PACSIN1: variants seen among roughly 807,000 people sequenced by gnomAD.
The protein encoded by PACSIN1 is protein kinase C and casein kinase substrate in neurons protein 1.
PACSIN1 carries 15 observed loss-of-function variants against 59.5 expected under a neutral mutation model. The ratio of observed to expected loss-of-function variants is 0.25; its 90% CI spans 0.17 to 0.39. The LOEUF (loss-of-function observed/expected upper bound fraction) is 0.39. Ranked by LOEUF, PACSIN1 falls within the 10% of genes least tolerant of loss-of-function variation. PACSIN1 has a pLI of 1.00. For missense variants in PACSIN1, 420 were observed against 580.2 expected, an observed-to-expected ratio of 0.72 and a Z score of 2.84; for synonymous variants, 210 against 220.6, an observed-to-expected ratio of 0.95 and a Z score of 0.42.
At chr6:34,472,396 G>A (rs1403683803) in intron 1 of PACSIN1, among the ~76,000 whole-genome samples, 1 of 148,748 alleles carries the variant, frequency 6.7e-6, no homozygotes, top group African/African-American at 2.5e-5. Context: ...ATACCTGATT[G>A]TGATTAGAGC....
rs1169757231 is a variant in PACSIN1 at position 34,532,121 on chromosome 6, G to A, written c.1226-300G>A. On this transcript the variant is annotated intron_variant, in intron 9 of 9. Transcript: ENST00000244458. The surrounding 1 kb of genome is among the most constrained non-coding windows in gnomAD (Gnocchi z 5.2). Reference sequence around the variant, plus strand: ...AGGATGGGAGTGGGGGCAAGATTTAGATTGGTTGGTGCCAGGGGCGGAGTC... The same window carrying A: ...AGGATGGGAGTGGGGGCAAGATTTAAATTGGTTGGTGCCAGGGGCGGAGTC... 1.3e-5 allele frequency among the ~76,000 whole-genome samples: 2 copies of A among 152,128 alleles called. No homozygotes were observed. The highest frequency in any genetic ancestry group is 3.9e-4 in the East Asian group (2 of 5,192).
At position 34,521,419 on chromosome 6, in the gene PACSIN1, G is replaced by A. The variant is rs1767390649; in HGVS notation, c.-63-4824G>A. The stretch of plus-strand genomic sequence containing the variant: ...CCCTTCCTCAAGCCAGGAGTAGATG[G>A]AACACAGCTGAGGGCCCTGCCCTCC... On this transcript the variant is annotated intron_variant, in intron 1 of 9. Coordinates refer to ENST00000244458, the MANE Select transcript of PACSIN1 (RefSeq NM_020804.5). This position sits in a 1 kb window ranked among gnomAD's most constrained non-coding sequence, Gnocchi z 4.3. Among the ~76,000 whole-genome samples the A allele has an allele frequency of 2.0e-5, 3 of 152,304 alleles. No homozygotes were observed. The South Asian group carries it at 6.2e-4, about 32-fold the overall frequency.
At chr6:34,481,115 G>A (rs1425257868) in intron 1 of PACSIN1, among the ~76,000 whole-genome samples, 1 of 151,502 alleles carries the variant, frequency 6.6e-6, no homozygotes, top group East Asian at 1.9e-4. Flanking sequence ...GTGTGATCAC[G>A]GCTCACTGCA....
At chr6:34,501,041 A>G (rs775102295) in intron 1 of PACSIN1, among the ~76,000 whole-genome samples, 6 of 152,244 alleles carry the variant, frequency 3.9e-5, no homozygotes, top group Non-Finnish European at 8.8e-5. Context: ...AGCTGTTTTC[A>G]TCTTCTATTT....
intron 1 of PACSIN1, among the ~76,000 whole-genome samples, chr6:34,501,486 C>T (rs76499914): frequency 0.1 from 15,243 of 152,166 alleles, 851 homozygotes; most frequent in Non-Finnish European, 0.12. Flanking sequence ...AAGCCAGGAC[C>T]CGGGCTTGTT....
chr6:34,494,807 C>T (rs1766924878), intron 1 of PACSIN1, among the ~76,000 whole-genome samples: 1 of 152,138 alleles, frequency 6.6e-6, no homozygotes. Context: ...CTTTGAGTAT[C>T]GAGGCATTAG....
intron 1 of PACSIN1, among the ~76,000 whole-genome samples, chr6:34,469,627 C>G (rs577439820): frequency 8.4e-4 from 128 of 152,322 alleles, no homozygotes; most frequent in African/African-American, 2.9e-3. Flanking sequence ...GAGTCAGGCC[C>G]TAGACCCCAG....
At chr6:34,511,760 AG>A (rs1359125580) in intron 1 of PACSIN1, among the ~76,000 whole-genome samples, 1 of 152,204 alleles carries the variant, frequency 6.6e-6, no homozygotes, top group African/African-American at 2.4e-5. Flanking sequence ...TATGCAGATG[AG>A]ATGCAAAGCA....
At chr6:34,476,785 G>A (rs572874829) in intron 1 of PACSIN1, among the ~76,000 whole-genome samples, 1 of 152,314 alleles carries the variant, frequency 6.6e-6, no homozygotes, top group Admixed American at 6.5e-5. Flanking sequence ...GGACAGGGCC[G>A]GGGGCGGGTG....
At position 34,525,300 on chromosome 6, in the gene PACSIN1, T is replaced by C. The variant is rs1384698346; in HGVS notation, c.-63-943T>C. Among the ~76,000 whole-genome samples, 1 of 152,202 alleles carries C rather than the reference T, an allele frequency of 6.6e-6. No individual in the cohort carries two copies. Among genetic ancestry groups the C allele is most frequent in the Non-Finnish European group, 1.5e-5 (1 of 68,030 alleles). ...ATTACTGGGAAAGAGCCCCAGGCCC[T>C]GGACAGATGGGGAGCCCTAGGGGGA... On this transcript the variant is annotated intron_variant, in intron 1 of 9. Transcript: ENST00000244458. This position sits in a 1 kb window ranked among gnomAD's most constrained non-coding sequence, Gnocchi z 4.9.
At chr6:34,484,535 T>C (rs1414681046) in intron 1 of PACSIN1, among the ~76,000 whole-genome samples, 1 of 152,154 alleles carries the variant, frequency 6.6e-6, no homozygotes, top group Non-Finnish European at 1.5e-5. Flanking sequence ...TAGATACATG[T>C]CATCAACATG....
intron 1 of PACSIN1, among the ~76,000 whole-genome samples, chr6:34,504,307 TTTA>T (rs1407083558): frequency 1.8e-4 from 20 of 112,632 alleles, no homozygotes; most frequent in African/African-American, 6.2e-4. Context: ...TTTTTTTTTT[TTTA>T]AACGGAGTTT....
At chr6:34,523,177 C>T (rs1031346617) in intron 1 of PACSIN1, among the ~76,000 whole-genome samples, 4 of 152,234 alleles carry the variant, frequency 2.6e-5, no homozygotes, top group African/African-American at 9.6e-5. Flanking sequence ...CAGTAGTTCC[C>T]ACATCACCTG....
At chr6:34,480,435 A>G (rs749494577) in intron 1 of PACSIN1, among the ~76,000 whole-genome samples, 20 of 151,478 alleles carry the variant, frequency 1.3e-4, no homozygotes, top group Non-Finnish European at 2.4e-4. Flanking sequence ...TATTTTGCCC[A>G]GGCTGGTCTT....
intron 1 of PACSIN1, among the ~76,000 whole-genome samples, chr6:34,485,545 G>A (rs1339824642): frequency 6.6e-6 from 1 of 152,206 alleles, no homozygotes; most frequent in Non-Finnish European, 1.5e-5. Context: ...GCAAAGGCCA[G>A]CGTTGGAGCA....
chr6:34,524,771 T>C (rs1053166274), intron 1 of PACSIN1, among the ~76,000 whole-genome samples: 1 of 152,224 alleles, frequency 6.6e-6, no homozygotes, highest in South Asian at 2.1e-4. Flanking sequence ...GTGTACCCCA[T>C]AATTGTATCA....
At chr6:34,481,699 C>T (rs1179542958) in intron 1 of PACSIN1, among the ~76,000 whole-genome samples, 2 of 151,926 alleles carry the variant, frequency 1.3e-5, no homozygotes, top group African/African-American at 4.8e-5. Context: ...AGAAAATACC[C>T]TTGCTTTCTG....
Position 34,530,181 on chromosome 6 carries a change from A to G in PACSIN1, c.789-62A>G. 1 of 1,544,628 alleles carries G rather than the reference A, an allele frequency of 6.5e-7. No homozygotes were observed. The highest frequency in any genetic ancestry group is 8.8e-7 in the Non-Finnish European group (1 of 1,140,800). On this transcript the variant is annotated intron_variant, in intron 6 of 9. Coordinates refer to ENST00000244458, the MANE Select transcript of PACSIN1 (RefSeq NM_020804.5). This position sits in a 1 kb window ranked among gnomAD's most constrained non-coding sequence, Gnocchi z 4.4. ...CCTGAGTGGACTCTGGCCTCTCACCAAGGTTGAGGAGGGGCCATGTTGAAT... is the reference window on the plus strand; with the variant it reads ...CCTGAGTGGACTCTGGCCTCTCACCGAGGTTGAGGAGGGGCCATGTTGAAT...
intron 1 of PACSIN1, among the ~76,000 whole-genome samples, chr6:34,505,354 T>G (rs1767092501): frequency 6.6e-6 from 1 of 152,162 alleles, no homozygotes; most frequent in Non-Finnish European, 1.5e-5. Flanking sequence ...TTCACTTAAC[T>G]TCTTAAATCC....
Sources: allele counts gnomAD v4.1 joint callset (sites outside exome capture counted in the v4.1 genomes callset), GRCh38; gene constraint gnomAD v4.1.1; non-coding constraint Gnocchi (gnomAD v3.1); transcripts MANE v1.5; gene names NCBI Gene and HGNC (gene_info 2026-07-23, HGNC 2026-07-21).